The following AK7 variants were observed in gnomAD, a reference collection of about 807,000 sequenced individuals.
AK7 encodes the protein ATP-AMP transphosphorylase 7.
Under a neutral mutation model 96.6 loss-of-function variants are expected in AK7, and 78 were observed. The ratio of observed to expected loss-of-function variants is 0.81; its 90% CI spans 0.67 to 0.97. The LOEUF (loss-of-function observed/expected upper bound fraction) is 0.97, where lower values mean the gene tolerates loss of function less well. AK7 is among the 50% of genes least tolerant of loss of function. The pLI, the probability that AK7 is intolerant of heterozygous loss-of-function variation, is 0.00. For missense variants in AK7, 855 were observed against 887.9 expected, an observed-to-expected ratio of 0.96 and a Z score of 0.47; for synonymous variants, 302 against 317.2, an observed-to-expected ratio of 0.95 and a Z score of 0.51.
chr14:96,437,969 A>T (rs1040349733), intron 6 of AK7, 54 bp downstream of exon 6: 2 of 1,528,898 alleles, frequency 1.3e-6, no homozygotes, highest in African/African-American at 2.7e-5. Context: ...CGATACAGAT[A>T]CGCAATTTGA....
chr14:96,477,778 T>C (rs1000103121), intron 14 of AK7, among the ~76,000 whole-genome samples: 2 of 152,248 alleles, frequency 1.3e-5, no homozygotes, highest in African/African-American at 4.8e-5. Flanking sequence ...GCTGGATCCA[T>C]GAAAATTCCA....
At chr14:96,396,024 A>C (rs1890062718) in intron 1 of AK7, among the ~76,000 whole-genome samples, 1 of 151,700 alleles carries the variant, frequency 6.6e-6, no homozygotes, top group South Asian at 2.1e-4. Flanking sequence ...GTTGGCCAGG[A>C]TGGTCTCGAT....
In AK7 at chr14:96,458,117, G is replaced by A. The variant is rs1566797879; in HGVS notation, c.1262G>A (p.Gly421Glu). 5 of 1,613,780 alleles carry A rather than the reference G, an allele frequency of 3.1e-6. No individual in the cohort carries two copies. Among genetic ancestry groups the A allele is most frequent in the Non-Finnish European group, 4.2e-6 (5 of 1,179,930 alleles). The part of the protein sequence containing the change: ...AIVAPNDVGE[G>E]EEEVEEEEEE... Reference sequence around the variant, plus strand: ...GTTGCCCCTAACGATGTAGGGGAAGGAGAAGAAGAAGTCGAAGAGGAAGAG... The same window carrying A: ...GTTGCCCCTAACGATGTAGGGGAAGAAGAAGAAGAAGTCGAAGAGGAAGAG... Residue 421 changes from glycine (G) to glutamate (E), a missense_variant, in exon 12 of 18, where the codon GGA becomes GAA. By Grantham distance (98) the Gly-to-Glu change is moderately conservative (BLOSUM62 -2). Coordinates refer to ENST00000267584, the MANE Select transcript of AK7 (RefSeq NM_152327.5).
intron 6 of AK7, among the ~76,000 whole-genome samples, chr14:96,442,389 C>G (rs759639297): frequency 5.3e-5 from 8 of 152,204 alleles, no homozygotes; most frequent in Non-Finnish European, 8.8e-5. Flanking sequence ...GAATGCCATG[C>G]GTATAGCTAC....
intron 14 of AK7, among the ~76,000 whole-genome samples, chr14:96,474,487 G>T (rs945987087): frequency 1.3e-4 from 19 of 151,350 alleles, no homozygotes; most frequent in African/African-American, 4.4e-4. Flanking sequence ...TTAGCTGGGG[G>T]TGGTGGCATG....
intron 4 of AK7, among the ~76,000 whole-genome samples, chr14:96,420,031 A>G (rs1371878764): frequency 6.6e-6 from 1 of 151,068 alleles, no homozygotes; most frequent in African/African-American, 2.4e-5. Flanking sequence ...ACGCCTGGCT[A>G]ATTTTCATAT....
Position 96,420,831 on chromosome 14 carries a change from G to A in AK7, c.508G>A (p.Glu170Lys). ...TTCTTTCTTATAATAGGAGGATTCT[G>A]AGGTTCCATTCACTGAAGAAGATTA... Reference protein sequence around the residue: ...RSKALDPEDSEVPFTEEDYRR... With the variant: ...RSKALDPEDSKVPFTEEDYRR... Residue 170 changes from glutamate to lysine, a missense_variant, in exon 5 of 18, where the codon GAG (glutamate) becomes AAG (lysine). Glu to Lys is a moderately conservative substitution (Grantham distance 56). Transcript: ENST00000267584. 1.2e-6 allele frequency: 2 copies of A among 1,609,942 alleles called. No individual in the cohort carries two copies. Among genetic ancestry groups the A allele is most frequent in the Non-Finnish European group, 1.7e-6 (2 of 1,176,692 alleles).
chr14:96,422,911 T>TATG, intron 5 of AK7, among the ~76,000 whole-genome samples: 1 of 152,172 alleles, frequency 6.6e-6, no homozygotes, highest in East Asian at 1.9e-4. Flanking sequence ...GCTGAAAAAT[T>TATG]ATGATGATGA....
intron 5 of AK7, among the ~76,000 whole-genome samples, chr14:96,421,784 T>C (rs1316052485): frequency 6.6e-6 from 1 of 152,078 alleles, no homozygotes; most frequent in Non-Finnish European, 1.5e-5. Context: ...TTTTTGTATT[T>C]TTAGTAGAGT....
chr14:96,396,318 T>C (rs1890081588), intron 1 of AK7, among the ~76,000 whole-genome samples: 1 of 152,164 alleles, frequency 6.6e-6, no homozygotes, highest in Non-Finnish European at 1.5e-5. Context: ...CCAAGGAATA[T>C]GGGAGTGGGA....
At chr14:96,465,693 T>A (rs920431596) in intron 12 of AK7, among the ~76,000 whole-genome samples, 5 of 151,946 alleles carry the variant, frequency 3.3e-5, no homozygotes, top group African/African-American at 1.2e-4. Flanking sequence ...GAATGGTTTA[T>A]CCAAGTATTC....
intron 11 of AK7, among the ~76,000 whole-genome samples, chr14:96,457,403 A>G (rs971445008): frequency 1.3e-5 from 2 of 152,174 alleles, no homozygotes; most frequent in African/African-American, 4.8e-5. Flanking sequence ...TTAACATTTT[A>G]GAAATGCTTT....
At chr14:96,468,126 T>G (rs1033316289) in intron 12 of AK7, among the ~76,000 whole-genome samples, 1 of 141,454 alleles carries the variant, frequency 7.1e-6, no homozygotes, top group African/African-American at 2.7e-5. Flanking sequence ...TGCGAGGCAC[T>G]AGGATTACCT....
At chr14:96,396,424 G>C (rs1890087693) in intron 1 of AK7, among the ~76,000 whole-genome samples, 1 of 152,186 alleles carries the variant, frequency 6.6e-6, no homozygotes, top group Admixed American at 6.5e-5. Flanking sequence ...TTTTTGCTGG[G>C]CTTCAGTTTC....
intron 9 of AK7, among the ~76,000 whole-genome samples, chr14:96,450,497 G>A (rs913894442): frequency 1.3e-4 from 20 of 149,194 alleles, no homozygotes; most frequent in African/African-American, 3.2e-4. Flanking sequence ...AATGCCATTC[G>A]AACACTGGGA....
At chr14:96,466,078 G>C (rs921671823) in intron 12 of AK7, among the ~76,000 whole-genome samples, 1 of 150,122 alleles carries the variant, frequency 6.7e-6, no homozygotes, top group Non-Finnish European at 1.5e-5. Context: ...AAGTTTTTTT[G>C]GTGGGGGAGG....
chr14:96,401,526 C>G (rs929695199), intron 2 of AK7, among the ~76,000 whole-genome samples: 2 of 152,116 alleles, frequency 1.3e-5, no homozygotes, highest in African/African-American at 4.8e-5. Context: ...AGGGGGAATG[C>G]CTGGGAAAGT....
intron 12 of AK7, among the ~76,000 whole-genome samples, chr14:96,469,221 A>C (rs1251764772): frequency 6.6e-6 from 1 of 152,224 alleles, no homozygotes; most frequent in South Asian, 2.1e-4. Context: ...AAGCCTTTGA[A>C]AAATGAAAAT....
chr14:96,477,177 A>T (rs1458709228), intron 14 of AK7, among the ~76,000 whole-genome samples: 1 of 152,214 alleles, frequency 6.6e-6, no homozygotes, highest in Non-Finnish European at 1.5e-5. Flanking sequence ...AGGTAGTATC[A>T]AACTATTATG....
Sources: gnomAD v4.1 joint callset for allele counts (sites outside exome capture counted in the v4.1 genomes callset) on GRCh38, gnomAD v4.1.1 for gene constraint, MANE v1.5 for transcripts, NCBI Gene and HGNC (gene_info 2026-07-23, HGNC 2026-07-21) for gene names.